Variants in PARD3B observed in about 807,000 individuals in gnomAD.
The protein encoded by PARD3B is par-3 family cell polarity regulator beta.
Under a neutral mutation model 130.2 loss-of-function variants are expected in PARD3B, and 103 were observed. That is an observed-to-expected ratio of 0.79 (90% CI 0.67 to 0.93). PARD3B has a LOEUF of 0.93. Ranked by LOEUF, PARD3B falls within the 40% of genes least tolerant of loss-of-function variation. The pLI is 0.00. For synonymous variants in PARD3B, 583 were observed against 553.2 expected, an observed-to-expected ratio of 1.05 and a Z score of -0.76; for missense variants, 1,609 against 1,499.2, an observed-to-expected ratio of 1.07 and a Z score of -1.21.
chr2:205,609,734 A>G (rs1311317693), intron 22 of PARD3B, among the ~76,000 whole-genome samples: 3 of 152,178 alleles, frequency 2.0e-5, no homozygotes, highest in African/African-American at 7.2e-5. Context: ...TTTCTGCTGC[A>G]TATCTTATTT....
In PARD3B at chr2:205,341,400, C is replaced by T. The variant is rs1029937358; in HGVS notation, c.2630+39699C>T. ...TGTGGTATATATACACAATGGAATA[C>T]TATTCAGCCATATAAAGAGTGAAAT... On this transcript the variant is annotated intron_variant, in intron 18 of 22. Transcript: ENST00000406610. The surrounding 1 kb of genome is among the most constrained non-coding windows in gnomAD (Gnocchi z 4.3). 2.0e-5 allele frequency among the ~76,000 whole-genome samples: 3 copies of T among 152,034 alleles called. No homozygotes were observed. In the East Asian group the frequency reaches 5.8e-4, roughly 29 times the overall value.
intron 2 of PARD3B, among the ~76,000 whole-genome samples, chr2:204,828,799 A>G (rs2043690748): frequency 6.6e-6 from 1 of 152,028 alleles, no homozygotes; most frequent in Non-Finnish European, 1.5e-5. Flanking sequence ...AGAGTTAGCT[A>G]CTCTTTTGCC....
intron 15 of PARD3B, among the ~76,000 whole-genome samples, chr2:205,227,216 T>C (rs2038603059): frequency 6.6e-6 from 1 of 152,300 alleles, no homozygotes; most frequent in Non-Finnish European, 1.5e-5. Context: ...AATAGTGAGA[T>C]TAAATCTGAT....
intron 19 of PARD3B, among the ~76,000 whole-genome samples, chr2:205,408,917 C>A (rs1046074992): frequency 1.3e-5 from 2 of 152,122 alleles, no homozygotes; most frequent in Non-Finnish European, 2.9e-5. Context: ...CTGATCAGAT[C>A]ATGGGCTGGA....
chr2:205,300,849 T>C lies in PARD3B; in HGVS notation c.2392+113T>C. ...AAATGATTTAAGGATCACAATTATA[T>C]TTTTGATATTAAAAGTAATTCATTT... On this transcript the variant is annotated intron_variant, in intron 17 of 22. Transcript: ENST00000406610. This position sits in a 1 kb window ranked among gnomAD's most constrained non-coding sequence, Gnocchi z 4.1. 8.9e-7 allele frequency: 1 copy of C among 1,119,494 alleles called. No individual in the cohort carries two copies. The allele number at this position is 1,119,494 out of a possible 1,614,324, so 69.3% of individuals were successfully genotyped here. A position where few individuals can be genotyped will look rare whatever the true frequency, so the allele number is the denominator to read the frequency against.
At chr2:204,849,169 C>T (rs1186066358) in intron 2 of PARD3B, among the ~76,000 whole-genome samples, 1 of 151,958 alleles carries the variant, frequency 6.6e-6, no homozygotes, top group African/African-American at 2.4e-5. Flanking sequence ...ATTTAAGAGT[C>T]AAATTTGGGG....
At chr2:204,578,204 A>G (rs1342455428) in intron 1 of PARD3B, among the ~76,000 whole-genome samples, 2 of 152,180 alleles carry the variant, frequency 1.3e-5, no homozygotes, top group Non-Finnish European at 2.9e-5. Flanking sequence ...GTTCTGCAAG[A>G]TATTTTTTTA....
chr2:205,042,888 A>AC (rs1344723365), intron 3 of PARD3B, among the ~76,000 whole-genome samples: 1 of 151,786 alleles, frequency 6.6e-6, no homozygotes, highest in Non-Finnish European at 1.5e-5. Context: ...AAAAAAAAAA[A>AC]AACCCAGCAA....
intron 2 of PARD3B, among the ~76,000 whole-genome samples, chr2:204,720,758 C>T (rs1414099903): frequency 6.6e-6 from 1 of 152,092 alleles, no homozygotes; most frequent in Non-Finnish European, 1.5e-5. Context: ...TGTCCAGCTG[C>T]TTTAACAGAG....
chr2:204,981,628 G>A (rs1448892011), intron 3 of PARD3B, among the ~76,000 whole-genome samples: 1 of 152,156 alleles, frequency 6.6e-6, no homozygotes, highest in Admixed American at 6.5e-5. Context: ...GAATGTAGCA[G>A]TAAACAACAA....
rs1217310733 is a variant in PARD3B at position 205,366,803 on chromosome 2, C to CCAGG, written c.2631-34208_2631-34205dup. On this transcript the variant is annotated intron_variant, in intron 18 of 22. Coordinates refer to ENST00000406610, the MANE Select transcript of PARD3B (RefSeq NM_001302769.2). This position sits in a 1 kb window ranked among gnomAD's most constrained non-coding sequence, Gnocchi z 5.0. ...CACCTGGGGGCATTTTAGGTGGCCTCCAGGCCATGTGCCTTCCCACTAATA... is the reference window on the plus strand; with the variant it reads ...CACCTGGGGGCATTTTAGGTGGCCTCCAGGCAGGCCATGTGCCTTCCCACTAATA... Among the ~76,000 whole-genome samples the CCAGG allele has an allele frequency of 6.6e-6, 1 of 152,182 alleles. No individual in the cohort carries two copies. The highest frequency in any genetic ancestry group is 1.5e-5 in the Non-Finnish European group (1 of 68,038).
chr2:205,329,750 G>T (rs1315592437), intron 18 of PARD3B, among the ~76,000 whole-genome samples: 1 of 152,150 alleles, frequency 6.6e-6, no homozygotes, highest in Non-Finnish European at 1.5e-5. Context: ...TAGCATTGTG[G>T]GAGGCAGAGG....
chr2:204,997,078 T>A (rs151314768), intron 3 of PARD3B, among the ~76,000 whole-genome samples: 2,675 of 152,226 alleles, frequency 0.018, 39 homozygotes, highest in African/African-American at 0.04. Context: ...ACCGGAGCTG[T>A]TCCTATTCGG....
At chr2:205,034,943 G>C (rs750736359) in intron 3 of PARD3B, among the ~76,000 whole-genome samples, 2 of 152,002 alleles carry the variant, frequency 1.3e-5, no homozygotes, top group African/African-American at 4.8e-5. Flanking sequence ...TGCAACCTCC[G>C]CCACCTGAGT....
chr2:204,900,785 A>G (rs1423903097), intron 2 of PARD3B, among the ~76,000 whole-genome samples: 1 of 152,070 alleles, frequency 6.6e-6, no homozygotes, highest in Non-Finnish European at 1.5e-5. Context: ...CAGGTATTTG[A>G]AGGGACTTAG....
chr2:204,744,474 G>A (rs562319589), intron 2 of PARD3B, among the ~76,000 whole-genome samples: 1 of 152,252 alleles, frequency 6.6e-6, no homozygotes, highest in South Asian at 2.1e-4. Context: ...TTTCAAGATG[G>A]AACAGACAAA....
chr2:205,268,167 C>T lies in PARD3B; in HGVS notation c.2185+22345C>T, dbSNP rs1370259297. ...AGTCAACTGCAAGAACTCATTAATA[C>T]CAAGCCCAAGAAGGAACTGCTGATC... is the stretch of plus-strand genomic sequence containing the variant. On this transcript the variant is annotated intron_variant, in intron 16 of 22. Transcript: ENST00000406610. The surrounding 1 kb of genome is among the most constrained non-coding windows in gnomAD (Gnocchi z 4.1). Among the ~76,000 whole-genome samples, 1 of 152,162 alleles carries T rather than the reference C, an allele frequency of 6.6e-6. No homozygotes were observed. Among genetic ancestry groups the T allele is most frequent in the Non-Finnish European group, 1.5e-5 (1 of 68,016 alleles).
At chr2:204,912,126 T>C (rs1006883036) in intron 2 of PARD3B, among the ~76,000 whole-genome samples, 16 of 152,146 alleles carry the variant, frequency 1.1e-4, no homozygotes, top group African/African-American at 3.9e-4. Flanking sequence ...ATAGTATTCA[T>C]TTGGGTTATT....
At position 204,642,146 on chromosome 2, in the gene PARD3B, A is replaced by G. The variant is rs562441880; in HGVS notation, c.121-44035A>G. 2.0e-5 allele frequency among the ~76,000 whole-genome samples: 3 copies of G among 152,204 alleles called. No homozygotes were observed. In the South Asian group the frequency reaches 6.2e-4, roughly 31 times the overall value. On this transcript the variant is annotated intron_variant, in intron 1 of 22. Coordinates refer to ENST00000406610, the MANE Select transcript of PARD3B (RefSeq NM_001302769.2). ...TTGACCCTCTGATTCTTTCTGTTTTATATAGGAAAAGCTATATGGAATTCT... is the reference window on the plus strand; with the variant it reads ...TTGACCCTCTGATTCTTTCTGTTTTGTATAGGAAAAGCTATATGGAATTCT...
Sources: gnomAD v4.1 joint callset for allele counts (sites outside exome capture counted in the v4.1 genomes callset) on GRCh38, gnomAD v4.1.1 for gene constraint, Gnocchi (gnomAD v3.1) non-coding constraint, MANE v1.5 for transcripts, NCBI Gene and HGNC (gene_info 2026-07-23, HGNC 2026-07-21) for gene names.